Variants in TACR3 observed in about 807,000 individuals in gnomAD.
TACR3 encodes the protein neuromedin-K receptor.
TACR3 carries 34 observed loss-of-function variants against 35.0 expected under a neutral mutation model. The ratio of observed to expected loss-of-function variants is 0.97; its 90% CI spans 0.74 to 1.30. TACR3 has a LOEUF of 1.30. Ranked by LOEUF, TACR3 falls within the 50% of genes most tolerant of loss-of-function variation. The probability of loss-of-function intolerance (pLI) is 0.00; values close to 1 mark genes in which losing one functional copy is unlikely to be tolerated. For synonymous variants in TACR3, 233 were observed against 221.1 expected, an observed-to-expected ratio of 1.05 and a Z score of -0.48; for missense variants, 558 against 591.7, an observed-to-expected ratio of 0.94 and a Z score of 0.59.
intron 3 of TACR3, among the ~76,000 whole-genome samples, chr4:103,650,601 T>C (rs1171337554): frequency 2.0e-5 from 2 of 102,340 alleles, no homozygotes; most frequent in East Asian, 4.6e-4. Context: ...AAAATTTATA[T>C]AAAATATATA....
In TACR3 at chr4:103,596,081, C is replaced by T. The variant is rs971927056; in HGVS notation, c.889-4398G>A. Among the ~76,000 whole-genome samples the T allele has an allele frequency of 4.7e-5, 7 of 150,512 alleles. No individual in the cohort carries two copies. The Admixed American group carries it at 4.7e-4, about 10-fold the overall frequency. On this transcript the variant is annotated intron_variant, in intron 3 of 4. Coordinates refer to ENST00000304883, the MANE Select transcript of TACR3 (RefSeq NM_001059.3). ...CATGTCCCTACAAAGGACATGAACT[C>T]ATCCTTTTTTATGGCTGCATAGTAT...
chr4:103,597,198 A>T lies in TACR3; in HGVS notation c.889-5515T>A, dbSNP rs546027698. On this transcript the variant is annotated intron_variant, in intron 3 of 4. Coordinates refer to ENST00000304883, the MANE Select transcript of TACR3 (RefSeq NM_001059.3). ...CCACACTGACTTCCACAATGGTTGA[A>T]CTAGTTTACAGTCCCACCAACAGTG... Among the ~76,000 whole-genome samples, 6 of 146,278 alleles carry T rather than the reference A, an allele frequency of 4.1e-5. No homozygotes were observed. The East Asian group carries it at 1.2e-3, about 29-fold the overall frequency.
intron 1 of TACR3, among the ~76,000 whole-genome samples, chr4:103,701,498 C>G (rs902416300): frequency 8.5e-5 from 13 of 152,068 alleles, no homozygotes; most frequent in African/African-American, 3.1e-4. Flanking sequence ...AGATTCAATG[C>G]CATCCCCATC....
chr4:103,628,671 A>G (rs1466015515), intron 3 of TACR3, among the ~76,000 whole-genome samples: 3 of 152,140 alleles, frequency 2.0e-5, no homozygotes, highest in Non-Finnish European at 4.4e-5. Flanking sequence ...CCCACCAACC[A>G]AAAAAATCCA....
At chr4:103,605,162 A>AT (rs1219047932) in intron 3 of TACR3, among the ~76,000 whole-genome samples, 1 of 148,720 alleles carries the variant, frequency 6.7e-6, no homozygotes, top group Non-Finnish European at 1.5e-5. Context: ...TGAACTCATC[A>AT]TTTTTTATGG....
chr4:103,638,228 G>C (rs1725244235), intron 3 of TACR3, among the ~76,000 whole-genome samples: 1 of 151,428 alleles, frequency 6.6e-6, no homozygotes, highest in East Asian at 1.9e-4. Flanking sequence ...CATGGTACTG[G>C]TACCAAAACA....
At chr4:103,710,553 T>C (rs1722921917) in intron 1 of TACR3, among the ~76,000 whole-genome samples, 1 of 152,030 alleles carries the variant, frequency 6.6e-6, no homozygotes, top group Non-Finnish European at 1.5e-5. Context: ...AGATTCAAAA[T>C]TGACACCCTA....
chr4:103,593,710 T>C (rs1267661118), intron 3 of TACR3, among the ~76,000 whole-genome samples: 1 of 152,132 alleles, frequency 6.6e-6, no homozygotes, highest in Non-Finnish European at 1.5e-5. Context: ...CTTAAGTACC[T>C]CACCTCCTTC....
At position 103,609,019 on chromosome 4, in the gene TACR3, T is replaced by C. The variant is rs572951959; in HGVS notation, c.889-17336A>G. Among the ~76,000 whole-genome samples the C allele has an allele frequency of 2.6e-5, 4 of 152,224 alleles. No individual in the cohort carries two copies. The South Asian group carries it at 6.2e-4, about 24-fold the overall frequency. On this transcript the variant is annotated intron_variant, in intron 3 of 4. Coordinates refer to ENST00000304883, the MANE Select transcript of TACR3 (RefSeq NM_001059.3). ...AGGAATTAATTTGATTAGAAAACAG[T>C]GTATTCTTCCCTAAATCATACATAT...
At chr4:103,595,553 C>T (rs559444059) in intron 3 of TACR3, among the ~76,000 whole-genome samples, 22 of 151,962 alleles carry the variant, frequency 1.4e-4, no homozygotes, top group Non-Finnish European at 2.8e-4. Context: ...TTTTGTATAC[C>T]GTACAGATTA....
intron 3 of TACR3, among the ~76,000 whole-genome samples, chr4:103,655,380 A>C (rs1328254751): frequency 1.3e-5 from 2 of 152,156 alleles, no homozygotes; most frequent in African/African-American, 4.8e-5. Flanking sequence ...AATGATTGGC[A>C]TAATCAGTAG....
chr4:103,678,823 T>G (rs972433961), intron 1 of TACR3, among the ~76,000 whole-genome samples: 1 of 151,664 alleles, frequency 6.6e-6, no homozygotes, highest in African/African-American at 2.4e-5. Context: ...TGCTTCTCTG[T>G]CCTCACACCA....
chr4:103,716,248 T>G (rs1234581782), intron 1 of TACR3, among the ~76,000 whole-genome samples: 1 of 149,418 alleles, frequency 6.7e-6, no homozygotes, highest in Non-Finnish European at 1.5e-5. Flanking sequence ...TGTGTGTGTG[T>G]GTGTGTGTTG....
At chr4:103,596,715 T>C (rs1375259777) in intron 3 of TACR3, among the ~76,000 whole-genome samples, 1 of 152,052 alleles carries the variant, frequency 6.6e-6, no homozygotes, top group Non-Finnish European at 1.5e-5. Flanking sequence ...TAACTCGTCA[T>C]TTACATTAGG....
intron 3 of TACR3, among the ~76,000 whole-genome samples, chr4:103,597,798 C>T (rs547384735): frequency 5.9e-5 from 9 of 152,284 alleles, no homozygotes; most frequent in African/African-American, 2.2e-4. Context: ...TAATTTATGG[C>T]TGCATAGTAT....
intron 1 of TACR3, among the ~76,000 whole-genome samples, chr4:103,701,629 A>C (rs1722650460): frequency 6.6e-6 from 1 of 152,238 alleles, no homozygotes; most frequent in Non-Finnish European, 1.5e-5. Context: ...TGGAGGCATC[A>C]CACTACCTGA....
chr4:103,606,147 T>A (rs577590868), intron 3 of TACR3, among the ~76,000 whole-genome samples: 9 of 152,034 alleles, frequency 5.9e-5, no homozygotes, highest in African/African-American at 1.7e-4. Flanking sequence ...ATATGTGGCA[T>A]TATTTCTGAG....
At position 103,591,572 on chromosome 4, in the gene TACR3, T is replaced by C. The variant is rs1723897696; in HGVS notation, c.1000A>G (p.Ile334Val). The C allele has an allele frequency of 6.2e-7, 1 of 1,613,932 alleles. No homozygotes were observed. Among genetic ancestry groups the C allele is most frequent in the East Asian group, 2.2e-5 (1 of 44,852 alleles). The change falls in exon 4 of 5, where the codon ATC becomes GTC. Residue 334 changes from isoleucine (I) to valine (V), a missense_variant. Coordinates refer to ENST00000304883, the MANE Select transcript of TACR3 (RefSeq NM_001059.3). Reference sequence around the variant, plus strand: ...AAGCTAGCCAGGTAGACCTGCTGGATGTATTTCCATCTATTTAGTTGTTGA... The same window carrying C: ...AAGCTAGCCAGGTAGACCTGCTGGACGTATTTCCATCTATTTAGTTGTTGA... Reference protein sequence around the residue: ...IYQQLNRWKYIQQVYLASFWL... With the variant: ...IYQQLNRWKYVQQVYLASFWL...
chr4:103,659,945 A>T (rs1019394855), intron 1 of TACR3, among the ~76,000 whole-genome samples: 4 of 152,142 alleles, frequency 2.6e-5, no homozygotes, highest in African/African-American at 9.6e-5. Flanking sequence ...TGTTGTTTCA[A>T]TTCTACTTTT....
Sources: allele counts gnomAD v4.1 joint callset (sites outside exome capture counted in the v4.1 genomes callset), GRCh38; gene constraint gnomAD v4.1.1; transcripts MANE v1.5; gene names NCBI Gene and HGNC (gene_info 2026-07-23, HGNC 2026-07-21).